ZFPM2: variants seen among roughly 807,000 people sequenced by gnomAD.
ZFPM2 encodes the protein zinc finger protein ZFPM2.
In ZFPM2, 20 loss-of-function variants were observed where a neutral mutation model predicts 98.6. The ratio of observed to expected loss-of-function variants is 0.20; its 90% CI spans 0.14 to 0.29. The LOEUF (loss-of-function observed/expected upper bound fraction) is 0.29. Among genes scored for constraint, ZFPM2 ranks in the 10% least tolerant of loss-of-function variants. The pLI is 1.00. For missense variants in ZFPM2, 1,310 were observed against 1,388.6 expected (o/e 0.94, Z 0.90); for synonymous variants, 518 against 502.7 (o/e 1.03, Z -0.41).
rs1811242563 is a variant in ZFPM2, at chr8:105,397,294, T to C, written c.41-21850T>C. Among the ~76,000 whole-genome samples, 3 of 152,286 alleles carry C rather than the reference T, an allele frequency of 2.0e-5. No homozygotes were observed. The South Asian group carries it at 6.2e-4, about 32-fold the overall frequency. ...AAAAGGGAACCGCTTTAATATGATTTCATGTACCAGATTTTATAATCACAT... is the reference window on the plus strand; with the variant it reads ...AAAAGGGAACCGCTTTAATATGATTCCATGTACCAGATTTTATAATCACAT... On this transcript the variant is annotated intron_variant, in intron 1 of 7. Transcript: ENST00000407775.
At chr8:105,674,742 G>A (rs537519424) in intron 5 of ZFPM2, among the ~76,000 whole-genome samples, 1 of 152,244 alleles carries the variant, frequency 6.6e-6, no homozygotes, top group South Asian at 2.1e-4. Flanking sequence ...TTGTCAAGAA[G>A]AGGATATAAA....
intron 3 of ZFPM2, among the ~76,000 whole-genome samples, chr8:105,478,071 C>T (rs972437830): frequency 6.6e-6 from 1 of 152,178 alleles, no homozygotes; most frequent in African/African-American, 2.4e-5. Context: ...ATTTGCAAAG[C>T]AACAATGAGT....
intron 5 of ZFPM2, among the ~76,000 whole-genome samples, chr8:105,687,336 A>G (rs1810764211): frequency 6.6e-6 from 1 of 152,216 alleles, no homozygotes; most frequent in South Asian, 2.1e-4. Context: ...TAGACTGCTT[A>G]AAATGAGTTT....
At chr8:105,685,961 A>T (rs904925062) in intron 5 of ZFPM2, among the ~76,000 whole-genome samples, 1 of 152,130 alleles carries the variant, frequency 6.6e-6, no homozygotes, top group African/African-American at 2.4e-5. Flanking sequence ...TTTGTGTGAT[A>T]TATAATTTTC....
At position 105,498,037 on chromosome 8, in the gene ZFPM2, A is replaced by C. The variant is rs541113561; in HGVS notation, c.301+53656A>C. On this transcript the variant is annotated intron_variant, in intron 3 of 7. Transcript: ENST00000407775. Reference sequence around the variant, plus strand: ...CCTCCCCGTCTCTACCAAAAAAAAAAAAAAAAAAACAAAATCCAGGTGTGG... The same window carrying C: ...CCTCCCCGTCTCTACCAAAAAAAAACAAAAAAAAACAAAATCCAGGTGTGG... Among the ~76,000 whole-genome samples, 48 of 138,746 alleles carry C rather than the reference A, an allele frequency of 3.5e-4. 1 individual carries two copies. The East Asian group carries it at 9.3e-3, about 27-fold the overall frequency. The allele number at this position is 138,746 out of a possible 152,430, so 91.0% of individuals were successfully genotyped here. A position where few individuals can be genotyped will look rare whatever the true frequency, so the allele number is the denominator to read the frequency against.
chr8:105,406,743 C>T (rs940225880), intron 1 of ZFPM2, among the ~76,000 whole-genome samples: 34 of 151,970 alleles, frequency 2.2e-4, no homozygotes, highest in Admixed American at 1.8e-3. Context: ...GCTTGAAAGG[C>T]TACATTTTAA....
intron 3 of ZFPM2, among the ~76,000 whole-genome samples, chr8:105,467,031 T>C (rs1488285888): frequency 2.6e-5 from 4 of 152,062 alleles, no homozygotes; most frequent in Non-Finnish European, 4.4e-5. Flanking sequence ...CCTGTATCTC[T>C]TGTGAGCATT....
intron 3 of ZFPM2, among the ~76,000 whole-genome samples, chr8:105,455,678 T>A (rs1812574911): frequency 1.3e-5 from 2 of 152,208 alleles, no homozygotes. Flanking sequence ...GAGATCACAG[T>A]GGCTTGTAGA....
chr8:105,445,536 C>T (rs564118057), intron 3 of ZFPM2, among the ~76,000 whole-genome samples: 8 of 151,292 alleles, frequency 5.3e-5, no homozygotes, highest in Admixed American at 2.6e-4. Flanking sequence ...AAAAGATTTT[C>T]GGAACATCTA....
intron 3 of ZFPM2, among the ~76,000 whole-genome samples, chr8:105,446,528 A>C (rs1200798767): frequency 6.6e-6 from 1 of 152,152 alleles, no homozygotes; most frequent in African/African-American, 2.4e-5. Flanking sequence ...GTGGCTAATA[A>C]AAGAGGGGGA....
intron 4 of ZFPM2, among the ~76,000 whole-genome samples, chr8:105,622,514 A>G (rs190305103): frequency 1.3e-5 from 2 of 152,288 alleles, no homozygotes; most frequent in Non-Finnish European, 1.5e-5. Context: ...ACTAGCAACA[A>G]CAAGATTTAA....
intron 1 of ZFPM2, among the ~76,000 whole-genome samples, chr8:105,331,014 T>G (rs1812222303): frequency 6.6e-6 from 1 of 151,214 alleles, no homozygotes; most frequent in African/African-American, 2.4e-5. Context: ...AATAACCTGT[T>G]TTTTGGTGTT....
chr8:105,751,030 CA>C (rs1812464053), intron 5 of ZFPM2, among the ~76,000 whole-genome samples: 1 of 151,956 alleles, frequency 6.6e-6, no homozygotes, highest in South Asian at 2.1e-4. Flanking sequence ...GTAGATTTTC[CA>C]ATCAGATTTG....
intron 3 of ZFPM2, among the ~76,000 whole-genome samples, chr8:105,551,379 A>G (rs35229701): frequency 0.12 from 17,561 of 151,892 alleles, 1,103 homozygotes; most frequent in Admixed American, 0.17. Context: ...TTCATTGGTT[A>G]TATGTTACAT....
intron 1 of ZFPM2, among the ~76,000 whole-genome samples, chr8:105,412,625 A>C (rs576256675): frequency 3.1e-4 from 47 of 151,900 alleles, no homozygotes; most frequent in African/African-American, 9.2e-4. Flanking sequence ...CCCTGATGCC[A>C]CTATTGTTAA....
chr8:105,802,988 C>T lies in ZFPM2; in HGVS notation c.2906C>T (p.Pro969Leu), dbSNP rs773155667. Reference sequence around the variant, plus strand: ...TTGTTTCTTCCACAATGCCTTTACCCTGGAGCAATAAAGAAAGCAAAAGGA... The same window carrying T: ...TTGTTTCTTCCACAATGCCTTTACCTTGGAGCAATAAAGAAAGCAAAAGGA... The part of the protein sequence containing the change: ...RHLFLPQCLY[P>L]GAIKKAKGAD... The change falls in exon 8 of 8, where the codon CCT becomes CTT. Residue 969 changes from proline (P) to leucine (L), a missense_variant. Transcript: ENST00000407775. The T allele has an allele frequency of 2.0e-5, 33 of 1,612,780 alleles. No homozygotes were observed. Among genetic ancestry groups the T allele is most frequent in the Non-Finnish European group, 2.6e-5 (31 of 1,179,414 alleles).
At chr8:105,517,518 A>C (rs937321487) in intron 3 of ZFPM2, among the ~76,000 whole-genome samples, 1 of 152,040 alleles carries the variant, frequency 6.6e-6, no homozygotes, top group Non-Finnish European at 1.5e-5. Context: ...ATCACCTCAC[A>C]TATTTATCTT....
At chr8:105,584,458 A>G (rs1586479677) in intron 4 of ZFPM2, among the ~76,000 whole-genome samples, 2 of 152,158 alleles carry the variant, frequency 1.3e-5, no homozygotes, top group South Asian at 2.1e-4. Flanking sequence ...AGGCCTGTGT[A>G]TCAATTTCTT....
chr8:105,752,546 C>T (rs1435432385), intron 5 of ZFPM2, among the ~76,000 whole-genome samples: 1 of 152,158 alleles, frequency 6.6e-6, no homozygotes, highest in Non-Finnish European at 1.5e-5. Flanking sequence ...CGTGGACGTT[C>T]TCTCCTTCTT....
Sources: gnomAD v4.1 joint callset for allele counts (sites outside exome capture counted in the v4.1 genomes callset) on GRCh38, gnomAD v4.1.1 for gene constraint, MANE v1.5 for transcripts, NCBI Gene and HGNC (gene_info 2026-07-23, HGNC 2026-07-21) for gene names.